GPHN: variants seen among roughly 807,000 people sequenced by gnomAD.
GPHN encodes the protein gephyrin.
In GPHN, 17 loss-of-function variants were observed where a neutral mutation model predicts 95.5. That is an observed-to-expected ratio of 0.18 (90% CI 0.12 to 0.27). The LOEUF (loss-of-function observed/expected upper bound fraction) is 0.27, where lower values mean the gene tolerates loss of function less well. Ranked by LOEUF, GPHN falls within the 10% of genes least tolerant of loss-of-function variation. The pLI is 1.00. For missense variants in GPHN, 660 were observed against 978.1 expected (o/e 0.67, Z 4.34); for synonymous variants, 320 against 322.5 (o/e 0.99, Z 0.08).
the GPHN span, among the ~76,000 whole-genome samples, chr14:67,510,063 T>C: frequency 3.3e-5 from 5 of 152,094 alleles, no homozygotes; most frequent in Admixed American, 2.6e-4. Context: ...TCAATTCAAA[T>C]CCCAGTTTAG....
At position 67,106,818 on chromosome 14, in the gene GPHN, C is replaced by A. The variant is rs1410365275; in HGVS notation, c.1294-3322C>A. ...TTTTGCAATTTCTTTTCCAGGAGTTCATTGATTTCCTTTTCATTGGAGTCT... is the reference window on the plus strand; with the variant it reads ...TTTTGCAATTTCTTTTCCAGGAGTTAATTGATTTCCTTTTCATTGGAGTCT... On this transcript the variant is annotated intron_variant, in intron 13 of 22. Transcript: ENST00000478722. 3.3e-5 allele frequency among the ~76,000 whole-genome samples: 5 copies of A among 152,170 alleles called. No homozygotes were observed. The East Asian group carries it at 9.7e-4, about 29-fold the overall frequency.
At chr14:67,062,779 T>C (rs540610332) in intron 11 of GPHN, among the ~76,000 whole-genome samples, 1 of 152,352 alleles carries the variant, frequency 6.6e-6, no homozygotes, top group Non-Finnish European at 1.5e-5. Flanking sequence ...GTTTTTTTCT[T>C]GTAAATTTGT....
the GPHN span, among the ~76,000 whole-genome samples, chr14:67,549,471 A>G: frequency 1.3e-5 from 2 of 152,052 alleles, no homozygotes; most frequent in Admixed American, 6.6e-5. Context: ...GGGTTTCACC[A>G]TGTTGGCCAG....
the GPHN span, chr14:67,645,939 AC>A: frequency 2.0e-6 from 2 of 1,011,736 alleles, no homozygotes; most frequent in Non-Finnish European, 2.9e-6. Flanking sequence ...ACTATTATGG[AC>A]CAGGCAGTCT....
intron 10 of GPHN, among the ~76,000 whole-genome samples, chr14:67,053,978 A>T (rs1230995835): frequency 1.3e-5 from 2 of 152,208 alleles, no homozygotes; most frequent in Admixed American, 1.3e-4. Context: ...TATAAGAGCA[A>T]TTTATGACAA....
At chr14:67,026,333 A>G (rs1396582433) in intron 10 of GPHN, among the ~76,000 whole-genome samples, 1 of 152,184 alleles carries the variant, frequency 6.6e-6, no homozygotes, top group African/African-American at 2.4e-5. Context: ...GTTAGCTGAT[A>G]TTATTGTTAC....
chr14:67,565,257 C>T, the GPHN span, among the ~76,000 whole-genome samples: 1 of 151,610 alleles, frequency 6.6e-6, no homozygotes, highest in African/African-American at 2.4e-5. Context: ...TATTTATTTA[C>T]TTGAGAGACG....
At chr14:67,658,638 C>G in the GPHN span, among the ~76,000 whole-genome samples, 6 of 152,160 alleles carry the variant, frequency 3.9e-5, no homozygotes, top group Non-Finnish European at 8.8e-5. Context: ...AATTTTAAAG[C>G]AAAATTGTTT....
chr14:66,834,508 A>T (rs1859849066), intron 4 of GPHN, among the ~76,000 whole-genome samples: 1 of 152,096 alleles, frequency 6.6e-6, no homozygotes, highest in African/African-American at 2.4e-5. Context: ...ATGTATTGAG[A>T]TAATCATGTG....
intron 11 of GPHN, among the ~76,000 whole-genome samples, chr14:67,080,121 G>A (rs1251414335): frequency 6.6e-6 from 1 of 152,008 alleles, no homozygotes; most frequent in Non-Finnish European, 1.5e-5. Flanking sequence ...AATAAGTAAG[G>A]TGATGTTCTC....
intron 5 of GPHN, among the ~76,000 whole-genome samples, chr14:66,901,189 A>C (rs567980221): frequency 3.9e-5 from 6 of 151,944 alleles, no homozygotes; most frequent in African/African-American, 1.4e-4. Flanking sequence ...CTATTCATAT[A>C]GTTTGCTCAT....
At chr14:67,274,483 C>A in the GPHN span, among the ~76,000 whole-genome samples, 1 of 152,162 alleles carries the variant, frequency 6.6e-6, no homozygotes, top group South Asian at 2.1e-4. Flanking sequence ...TGGTCTATAT[C>A]TCTGTTTTGG....
In GPHN at chr14:66,556,384, A is replaced by G. The variant is rs148901073; in HGVS notation, c.64+47793A>G. Among the ~76,000 whole-genome samples, 82 of 152,320 alleles carry G rather than the reference A, an allele frequency of 5.4e-4. 2 individuals are homozygous for G. The highest frequency in any genetic ancestry group is 4.4e-3 in the Admixed American group (68 of 15,294). The stretch of plus-strand genomic sequence containing the variant: ...AACTATTATCCTTGAAACTCTGTTG[A>G]TCTTTAAGCTTTGACTCTAAAGAGA... On this transcript the variant is annotated intron_variant, in intron 1 of 22. Coordinates refer to ENST00000478722, the MANE Select transcript of GPHN (RefSeq NM_020806.5).
the GPHN span, among the ~76,000 whole-genome samples, chr14:67,442,814 A>G: frequency 6.6e-6 from 1 of 152,238 alleles, no homozygotes; most frequent in African/African-American, 2.4e-5. Flanking sequence ...TGGAAGGACG[A>G]ACATGTGACC....
the GPHN span, chr14:67,204,785 T>C: frequency 6.2e-7 from 1 of 1,614,004 alleles, no homozygotes; most frequent in Non-Finnish European, 8.5e-7. Flanking sequence ...ACAGGCTCCA[T>C]GGATGTGACG....
the GPHN span, among the ~76,000 whole-genome samples, chr14:67,194,253 A>ATGAACAGC: frequency 4.0e-5 from 6 of 150,962 alleles, no homozygotes; most frequent in Admixed American, 3.3e-4. Context: ...GGTCCCAACT[A>ATGAACAGC]CTCGGGAGGC....
chr14:66,757,681 C>T (rs758628942), intron 2 of GPHN, among the ~76,000 whole-genome samples: 2 of 152,230 alleles, frequency 1.3e-5, no homozygotes, highest in Non-Finnish European at 2.9e-5. Flanking sequence ...TGAGCCACCA[C>T]ACCTGGCTGC....
At chr14:67,257,955 G>A in the GPHN span, among the ~76,000 whole-genome samples, 1 of 152,112 alleles carries the variant, frequency 6.6e-6, no homozygotes, top group African/African-American at 2.4e-5. Flanking sequence ...CACCAAGGTA[G>A]TGAATATTTG....
chr14:67,651,073 G>C, the GPHN span: 1 of 1,000,068 alleles, frequency 1.0e-6, no homozygotes, highest in East Asian at 2.6e-5. Context: ...CCTCTATTTT[G>C]GTGACCAATA....
Sources: allele counts gnomAD v4.1 joint callset (sites outside exome capture counted in the v4.1 genomes callset), GRCh38; gene constraint gnomAD v4.1.1; transcripts MANE v1.5; gene names NCBI Gene and HGNC (gene_info 2026-07-23, HGNC 2026-07-21).